The following PDHX variants were observed in gnomAD, a reference collection of about 807,000 sequenced individuals.
PDHX encodes the protein pyruvate dehydrogenase protein X component, mitochondrial.
PDHX carries 33 observed loss-of-function variants against 55.3 expected under a neutral mutation model. The observed-to-expected ratio is 0.60, with a 90% CI of 0.45 to 0.80. The LOEUF (loss-of-function observed/expected upper bound fraction) is 0.80, where lower values mean the gene tolerates loss of function less well. Among genes scored for constraint, PDHX ranks in the 30% least tolerant of loss-of-function variants. The probability of loss-of-function intolerance (pLI) is 0.00; values close to 1 mark genes in which losing one functional copy is unlikely to be tolerated. For synonymous variants in PDHX, 226 were observed against 219.4 expected, an observed-to-expected ratio of 1.03 and a Z score of -0.27; for missense variants, 622 against 619.9, an observed-to-expected ratio of 1.00 and a Z score of -0.04.
intron 2 of PDHX, among the ~76,000 whole-genome samples, chr11:34,931,691 A>G (rs1038363829): frequency 6.6e-6 from 1 of 152,148 alleles, no homozygotes; most frequent in African/African-American, 2.4e-5. Flanking sequence ...ATATCCTTAC[A>G]CAAGCACAGA....
At chr11:34,970,609 A>G (rs913228021) in intron 7 of PDHX, among the ~76,000 whole-genome samples, 3 of 152,156 alleles carry the variant, frequency 2.0e-5, no homozygotes, top group Non-Finnish European at 4.4e-5. Flanking sequence ...TTAGCAGGCA[A>G]TTACTGAGTT....
chr11:34,974,496 GTC>G (rs1855324686), intron 7 of PDHX, among the ~76,000 whole-genome samples: 1 of 152,132 alleles, frequency 6.6e-6, no homozygotes, highest in South Asian at 2.1e-4. Context: ...ATCTCTTTGT[GTC>G]TCTGTTTTCA....
intron 8 of PDHX, among the ~76,000 whole-genome samples, chr11:34,980,106 A>C (rs1483149721): frequency 6.7e-6 from 1 of 149,802 alleles, no homozygotes; most frequent in Non-Finnish European, 1.5e-5. Flanking sequence ...TTTCCCAGAA[A>C]ATCACTCATT....
intron 2 of PDHX, among the ~76,000 whole-genome samples, chr11:34,933,611 A>C (rs1854230274): frequency 6.6e-6 from 1 of 152,210 alleles, no homozygotes; most frequent in Admixed American, 6.5e-5. Context: ...CCTGGAAACA[A>C]GGACCAATCC....
intron 1 of PDHX, among the ~76,000 whole-genome samples, chr11:34,928,965 A>G (rs1037023660): frequency 2.6e-4 from 40 of 152,208 alleles, no homozygotes; most frequent in African/African-American, 9.7e-4. Flanking sequence ...AAAGATTTTG[A>G]AAGCTATCTT....
intron 7 of PDHX, chr11:34,977,815 G>C (rs1476573887): frequency 2.1e-5 from 10 of 476,938 alleles, no homozygotes; most frequent in Non-Finnish European, 2.5e-5. Flanking sequence ...ATAGGAGTTA[G>C]TTCTTTTTTT....
At chr11:34,984,934 C>T in intron 9 of PDHX, 1 of 515,810 alleles carries the variant, frequency 1.9e-6, no homozygotes, top group Non-Finnish European at 3.4e-6. Context: ...ATTTAATATT[C>T]AAAAATTAAG....
At chr11:34,991,807 C>G (rs548103768) in intron 9 of PDHX, among the ~76,000 whole-genome samples, 1 of 149,626 alleles carries the variant, frequency 6.7e-6, no homozygotes, top group African/African-American at 2.5e-5. Flanking sequence ...CTACTCAGGA[C>G]GCTGAGGCAA....
chr11:34,980,152 T>TTTAAA (rs144945918), intron 8 of PDHX, among the ~76,000 whole-genome samples: 7,330 of 150,100 alleles, frequency 0.049, 558 homozygotes, highest in African/African-American at 0.17. Flanking sequence ...CCTAGAGTCA[T>TTTAAA]TTTGTTTCTT....
At chr11:34,979,841 CT>C (rs1369241508) in intron 8 of PDHX, among the ~76,000 whole-genome samples, 2 of 151,842 alleles carry the variant, frequency 1.3e-5, no homozygotes, top group African/African-American at 4.8e-5. Flanking sequence ...ATTATCAGAC[CT>C]TTTTTCCCTA....
At chr11:34,917,406 T>G (rs897165897) in intron 1 of PDHX, among the ~76,000 whole-genome samples, 1 of 152,170 alleles carries the variant, frequency 6.6e-6, no homozygotes, top group African/African-American at 2.4e-5. Context: ...AGGAGATAAA[T>G]CATACCAAAA....
At chr11:34,985,798 A>G (rs1371524459) in intron 9 of PDHX, among the ~76,000 whole-genome samples, 1 of 152,236 alleles carries the variant, frequency 6.6e-6, no homozygotes, top group Non-Finnish European at 1.5e-5. Flanking sequence ...GGGAGCCGAC[A>G]GTACATAAAT....
intron 10 of PDHX, among the ~76,000 whole-genome samples, chr11:34,992,774 G>A (rs567559193): frequency 6.6e-6 from 1 of 152,186 alleles, no homozygotes; most frequent in East Asian, 1.9e-4. Flanking sequence ...GTGGGCATTT[G>A]CGTTGCTTCC....
intron 1 of PDHX, among the ~76,000 whole-genome samples, chr11:34,923,755 G>C (rs918583542): frequency 1.3e-5 from 2 of 152,170 alleles, no homozygotes; most frequent in Admixed American, 1.3e-4. Flanking sequence ...TTGAGGTCGA[G>C]AATCTGGTTT....
At chr11:34,993,171 A>G (rs1391543450) in intron 10 of PDHX, among the ~76,000 whole-genome samples, 2 of 151,974 alleles carry the variant, frequency 1.3e-5, no homozygotes, top group African/African-American at 4.8e-5. Context: ...TAAAAAAATG[A>G]TGTATAGTTC....
At chr11:34,926,994 ATTGTG>A (rs1381986150) in intron 1 of PDHX, among the ~76,000 whole-genome samples, 3 of 149,726 alleles carry the variant, frequency 2.0e-5, no homozygotes, top group Non-Finnish European at 3.0e-5. Context: ...ATTTTAATGT[ATTGTG>A]TCATTCTGTT....
At position 34,993,580 on chromosome 11, in the gene PDHX, AT is replaced by A. The variant is rs368399968; in HGVS notation, c.1247+1203del. ...CCTTTTTCATAGCATTGAAAAGGTG[AT>A]TATATATGTGTTGGTCTAGTTCTGT... is the stretch of plus-strand genomic sequence containing the variant. On this transcript the variant is annotated intron_variant, in intron 10 of 10. Coordinates refer to ENST00000227868, the MANE Select transcript of PDHX (RefSeq NM_003477.3). Among the ~76,000 whole-genome samples, 916 of 152,146 alleles carry A rather than the reference AT, an allele frequency of 6.0e-3. 5 individuals are homozygous for A. The highest frequency in any genetic ancestry group is 0.021 in the African/African-American group (875 of 41,484).
At chr11:34,940,678 C>G (rs949672552) in intron 2 of PDHX, among the ~76,000 whole-genome samples, 2 of 152,136 alleles carry the variant, frequency 1.3e-5, no homozygotes, top group African/African-American at 4.8e-5. Context: ...TTTCTGTCAC[C>G]CCAAAAAAGA....
intron 1 of PDHX, among the ~76,000 whole-genome samples, chr11:34,923,280 A>C (rs1293498031): frequency 6.6e-6 from 1 of 152,168 alleles, no homozygotes; most frequent in Non-Finnish European, 1.5e-5. Flanking sequence ...TGTATAAATC[A>C]AGGACTTTAT....
Sources: allele counts gnomAD v4.1 joint callset (sites outside exome capture counted in the v4.1 genomes callset), GRCh38; gene constraint gnomAD v4.1.1; transcripts MANE v1.5; gene names NCBI Gene and HGNC (gene_info 2026-07-23, HGNC 2026-07-21).